The following MEGF6 variants were observed in gnomAD, a reference collection of about 807,000 sequenced individuals.
MEGF6 encodes multiple epidermal growth factor-like domains protein 6.
Under a neutral mutation model 207.1 loss-of-function variants are expected in MEGF6, and 184 were observed. That is an observed-to-expected ratio of 0.89 (90% CI 0.79 to 1.00). The LOEUF (loss-of-function observed/expected upper bound fraction) is 1.00. MEGF6 is among the 50% of genes least tolerant of loss of function. MEGF6 has a pLI of 0.00. For synonymous variants in MEGF6, 1,038 were observed against 910.0 expected (o/e 1.14, Z -2.53); for missense variants, 2,282 against 2,202.9 (o/e 1.04, Z -0.72).
Position 3,595,374 on chromosome 1 carries a change from A to AC in MEGF6, c.339dup (p.Trp114ValfsTer14), listed in dbSNP as rs751239839. On this transcript the variant is annotated frameshift_variant, in exon 3 of 37. Transcript: ENST00000356575. LOFTEE classifies it high-confidence loss of function. ...CCCTCCTCGTCGGGCTGCTGCATCC[A>AC]CCCTCGGCAGCACCTGAGCACGGTC... 4.5e-5 allele frequency: 73 copies of AC among 1,612,200 alleles called. No individual in the cohort carries two copies. Among genetic ancestry groups the AC allele is most frequent in the Non-Finnish European group, 4.6e-5 (54 of 1,179,756 alleles).
chr1:3,552,453 C>G (rs150164312), intron 4 of MEGF6, among the ~76,000 whole-genome samples: 2,282 of 152,348 alleles, frequency 0.015, 59 homozygotes, highest in African/African-American at 0.052. Flanking sequence ...TCCCAGCACT[C>G]TGGGAGGCCC....
At chr1:3,514,412 A>C in intron 7 of MEGF6, 138 bp downstream of exon 7, 1 of 1,123,082 alleles carries the variant, frequency 8.9e-7, no homozygotes, top group Non-Finnish European at 1.2e-6. Flanking sequence ...GCCACATCCC[A>C]GGTCACCCAA....
chr1:3,493,882 A>G lies in MEGF6; in HGVS notation c.4276T>C (p.Phe1426Leu), dbSNP rs1640482939. Residue 1426 changes from phenylalanine to leucine, a missense_variant, in exon 34 of 37, where the codon TTT (phenylalanine) becomes CTT (leucine). Phe to Leu is a conservative substitution (Grantham distance 22). Coordinates refer to ENST00000356575, the MANE Select transcript of MEGF6 (RefSeq NM_001409.4). ...CAGCGCTGGTGGCAGCCCTCTCCAAATGAACCTGGCTCACACCCTGGTGGG... is the reference window on the plus strand; with the variant it reads ...CAGCGCTGGTGGCAGCCCTCTCCAAGTGAACCTGGCTCACACCCTGGTGGG... ...FCERGCEPGS[F>L]GEGCHQRCDC... 1.3e-6 allele frequency: 2 copies of G among 1,593,416 alleles called. No homozygotes were observed. The highest frequency in any genetic ancestry group is 1.7e-6 in the Non-Finnish European group (2 of 1,170,660).
Position 3,521,566 on chromosome 1 carries a change from G to C in MEGF6, c.604+2558C>G, listed in dbSNP as rs900094223. Among the ~76,000 whole-genome samples, 9 of 152,246 alleles carry C rather than the reference G, an allele frequency of 5.9e-5. No individual in the cohort carries two copies. In the East Asian group the frequency reaches 1.7e-3, roughly 30 times the overall value. On this transcript the variant is annotated intron_variant, in intron 5 of 36. Transcript: ENST00000356575. Reference sequence around the variant, plus strand: ...TCAGCAACAAGAAGCGGCTTGAGACGGTGAGGCACCCCTCAAACAAACACG... The same window carrying C: ...TCAGCAACAAGAAGCGGCTTGAGACCGTGAGGCACCCCTCAAACAAACACG...
chr1:3,546,475 C>T (rs371269427), intron 4 of MEGF6, among the ~76,000 whole-genome samples: 11 of 152,330 alleles, frequency 7.2e-5, no homozygotes, highest in South Asian at 2.1e-4. Context: ...AGGAGTACCC[C>T]GAGTGGAGCC....
chr1:3,505,581 G>A (rs965265034), intron 15 of MEGF6, 25 bp from the exon 16 acceptor site: 4 of 1,534,018 alleles, frequency 2.6e-6, no homozygotes, highest in South Asian at 1.2e-5. Context: ...CCGTTGAGGG[G>A]GGCTCCCGTC....
In MEGF6 at chr1:3,501,216, G is replaced by C. The variant is rs1244019787; in HGVS notation, c.2407C>G (p.Leu803Val). The C allele has an allele frequency of 6.2e-7, 1 of 1,612,194 alleles. No homozygotes were observed. The highest frequency in any genetic ancestry group is 2.2e-5 in the East Asian group (1 of 44,854). Residue 803 changes from leucine to valine, a missense_variant, in exon 19 of 37, where the codon CTG (leucine) becomes GTG (valine). Physicochemically the swap from Leu to Val is conservative, Grantham distance 32. Coordinates refer to ENST00000356575, the MANE Select transcript of MEGF6 (RefSeq NM_001409.4). ...ARCDPETGAC[L>V]CLPGFVGSRC... ...CTGCCGACGAAGCCAGGGAGGCACA[G>C]GCAGGCTCCGGTCTCAGGGTCGCAG... is the stretch of plus-strand genomic sequence containing the variant.
At chr1:3,580,265 G>A (rs933306344) in intron 3 of MEGF6, among the ~76,000 whole-genome samples, 3 of 151,546 alleles carry the variant, frequency 2.0e-5, no homozygotes, top group African/African-American at 7.3e-5. Flanking sequence ...GGGAAGGTGG[G>A]GGTGCAGGGG....
chr1:3,553,615 A>G (rs970028439), intron 4 of MEGF6, among the ~76,000 whole-genome samples: 1 of 152,150 alleles, frequency 6.6e-6, no homozygotes, highest in Non-Finnish European at 1.5e-5. Context: ...CCTGCCCGGG[A>G]GGCCACGAAT....
intron 35 of MEGF6, among the ~76,000 whole-genome samples, chr1:3,491,680 CAT>C (rs1299554985): frequency 2.0e-5 from 3 of 151,482 alleles, no homozygotes; most frequent in Non-Finnish European, 2.9e-5. Flanking sequence ...GCCCCGCCCA[CAT>C]GTCTTGCCCC....
rs1238132415 is a variant in MEGF6, at chr1:3,524,224, G to A, written c.504C>T (p.His168=). 3 of 1,612,470 alleles carry A rather than the reference G, an allele frequency of 1.9e-6. No homozygotes were observed. The highest frequency in any genetic ancestry group is 1.3e-5 in the African/African-American group (1 of 74,940). The part of the protein sequence containing the change: ...CQYDVDECRT[H]NGGCQHRCVN... ...CGCACCGGTGCTGGCAGCCACCGTT[G>A]TGGGTTCGGCATTCGTCCACATCTG... The change falls in exon 5 of 37, where the codon CAC becomes CAT. Residue 168 remains histidine (H), a synonymous_variant. Coordinates refer to ENST00000356575, the MANE Select transcript of MEGF6 (RefSeq NM_001409.4).
At chr1:3,572,110 CT>C (rs1643516972) in intron 4 of MEGF6, among the ~76,000 whole-genome samples, 2 of 145,660 alleles carry the variant, frequency 1.4e-5, no homozygotes, top group Middle Eastern at 4.1e-3. Flanking sequence ...GTGCTGGGTC[CT>C]TCCTGAGTGT....
At chr1:3,585,252 TATGTCCTGTGTGTGGGTGTGTGGACGC>T (rs1203491077) in intron 3 of MEGF6, among the ~76,000 whole-genome samples, 4 of 125,592 alleles carry the variant, frequency 3.2e-5, no homozygotes, top group Non-Finnish European at 6.7e-5. Flanking sequence ...GTGAGTGACA[TATGTCCTGTGTGTGGGTGTGTGGACGC>T]ATGTCCTGTG....
chr1:3,490,745 C>T (rs563853710), intron 36 of MEGF6, among the ~76,000 whole-genome samples, 156 bp from the exon 37 acceptor site: 1 of 149,800 alleles, frequency 6.7e-6, no homozygotes, highest in South Asian at 2.2e-4. Flanking sequence ...GCCTGTCCTT[C>T]CCAGCTCTGG....
chr1:3,512,058 C>T lies in MEGF6; in HGVS notation c.924G>A (p.Lys308=), dbSNP rs747500593. The change falls in exon 8 of 37, where the codon AAG becomes AAA. Residue 308 remains lysine, a synonymous_variant. Transcript: ENST00000356575. The part of the protein sequence containing the change: ...HGCLNTQGSF[K]CVCHAGYELG... The stretch of plus-strand genomic sequence containing the variant: ...GCTCATAGCCCGCGTGACACACGCA[C>T]TTGAAGGACCCCTGGGTGTTGAGGC... 1.9e-6 allele frequency: 3 copies of T among 1,612,794 alleles called. No homozygotes were observed. Among genetic ancestry groups the T allele is most frequent in the Non-Finnish European group, 2.5e-6 (3 of 1,179,908 alleles).
At chr1:3,574,679 G>T (rs994095204) in intron 4 of MEGF6, among the ~76,000 whole-genome samples, 1 of 152,188 alleles carries the variant, frequency 6.6e-6, no homozygotes, top group Non-Finnish European at 1.5e-5. Context: ...GTCTTGCTCT[G>T]TCAGCTAGGC....
chr1:3,568,596 C>T (rs1379290654), intron 4 of MEGF6, among the ~76,000 whole-genome samples: 1 of 152,144 alleles, frequency 6.6e-6, no homozygotes, highest in Non-Finnish European at 1.5e-5. Flanking sequence ...TGCAAGGACA[C>T]CCACAAACCA....
In MEGF6 at chr1:3,535,181, C is replaced by A. The variant is rs1204908516; in HGVS notation, c.482-10935G>T. Among the ~76,000 whole-genome samples the A allele has an allele frequency of 2.6e-5, 4 of 152,260 alleles. No homozygotes were observed. The East Asian group carries it at 7.7e-4, about 29-fold the overall frequency. On this transcript the variant is annotated intron_variant, in intron 4 of 36. Transcript: ENST00000356575. ...AGGAGAACCAGGGCCAGGTGTGTCA[C>A]CGCGACGGTGCCCGTGGGATCCAGG... is the stretch of plus-strand genomic sequence containing the variant.
rs1278689701 is a variant in MEGF6, at chr1:3,501,320, C to A, written c.2315-12G>T. On this transcript the variant is annotated splice_polypyrimidine_tract_variant and intron_variant, in intron 18 of 36. Transcript: ENST00000356575. ...GCCCTCGGGACAATCTAGTGCCCAC[C>A]CCCATGGCCAGTCAGTGCCCAAGCT... 1.9e-6 allele frequency: 3 copies of A among 1,589,008 alleles called. No homozygotes were observed. The East Asian group carries it at 6.9e-5, about 37-fold the overall frequency.
Sources: gnomAD v4.1 joint callset for allele counts (sites outside exome capture counted in the v4.1 genomes callset) on GRCh38, gnomAD v4.1.1 for gene constraint, MANE v1.5 for transcripts, NCBI Gene and HGNC (gene_info 2026-07-23, HGNC 2026-07-21) for gene names.